Variants in RBFOX1 observed in about 807,000 individuals in gnomAD.
RBFOX1 encodes the protein RNA binding fox-1 homolog 1, also known as RNA binding protein fox-1 homolog 1.
A neutral mutation model predicts 57.7 loss-of-function variants in RBFOX1; 8 were observed. The observed-to-expected ratio is 0.14, with a 90% confidence interval of 0.08 to 0.25. The LOEUF is 0.25. Among genes scored for constraint, RBFOX1 ranks in the 10% least tolerant of loss-of-function variants. The pLI, the probability that RBFOX1 is intolerant of heterozygous loss-of-function variation, is 1.00. For missense variants in RBFOX1, 611 were observed against 548.5 expected, an observed-to-expected ratio of 1.11 and a Z score of -1.14; for synonymous variants, 326 against 222.4, an observed-to-expected ratio of 1.47 and a Z score of -4.15.
chr16:7,401,874 A>C (rs1399443314), intron 4 of RBFOX1, among the ~76,000 whole-genome samples: 1 of 152,196 alleles, frequency 6.6e-6, no homozygotes, highest in East Asian at 1.9e-4. Context: ...ATTGTCCTTT[A>C]AAAATGGCTC....
intron 3 of RBFOX1, among the ~76,000 whole-genome samples, chr16:5,746,918 G>C (rs1233719310): frequency 6.6e-6 from 1 of 152,096 alleles, no homozygotes; most frequent in Non-Finnish European, 1.5e-5. Flanking sequence ...TTTCCTAATT[G>C]AATACCCTTT....
At chr16:7,378,828 C>T (rs895199044) in intron 4 of RBFOX1, among the ~76,000 whole-genome samples, 1 of 152,162 alleles carries the variant, frequency 6.6e-6, no homozygotes, top group Non-Finnish European at 1.5e-5. Context: ...ATTCCTCTTG[C>T]AGGGCACAAA....
intron 11 of RBFOX1, among the ~76,000 whole-genome samples, chr16:7,636,924 G>C (rs2061858829): frequency 1.3e-5 from 2 of 152,152 alleles, no homozygotes; most frequent in South Asian, 2.1e-4. Flanking sequence ...CCCACCCTCA[G>C]GACCTCATCT....
intron 3 of RBFOX1, among the ~76,000 whole-genome samples, chr16:6,711,352 G>A (rs73539509): frequency 6.6e-6 from 1 of 152,106 alleles, no homozygotes; most frequent in African/African-American, 2.4e-5. Context: ...CCCACATTCT[G>A]GTCCCTACCA....
intron 3 of RBFOX1, among the ~76,000 whole-genome samples, chr16:5,730,440 C>T (rs1340350329): frequency 6.6e-6 from 1 of 152,228 alleles, no homozygotes. Flanking sequence ...TTGTGTGCCT[C>T]TGGCTGCGCA....
intron 3 of RBFOX1, among the ~76,000 whole-genome samples, chr16:5,664,834 T>A (rs758454981): frequency 2.6e-5 from 4 of 152,192 alleles, no homozygotes; most frequent in Non-Finnish European, 5.9e-5. Flanking sequence ...TTCTCATTGT[T>A]CTCAGAATGC....
At chr16:7,264,831 G>A (rs1405158760) in intron 4 of RBFOX1, among the ~76,000 whole-genome samples, 3 of 152,164 alleles carry the variant, frequency 2.0e-5, no homozygotes, top group Non-Finnish European at 2.9e-5. Context: ...TACCCAGAGG[G>A]TAAAAAGTTG....
At chr16:5,942,796 G>A (rs778556847) in intron 4 of RBFOX1, among the ~76,000 whole-genome samples, 4 of 152,166 alleles carry the variant, frequency 2.6e-5, no homozygotes, top group African/African-American at 4.8e-5. Context: ...TCTCACTGTT[G>A]TATTAAATAC....
chr16:6,081,831 C>T (rs2096006237), intron 1 of RBFOX1, among the ~76,000 whole-genome samples: 3 of 152,122 alleles, frequency 2.0e-5, no homozygotes, highest in South Asian at 2.1e-4. Context: ...CCTGCAGCTA[C>T]GCTTGGTTTC....
chr16:5,553,564 C>G (rs2045550943), intron 2 of RBFOX1, among the ~76,000 whole-genome samples: 3 of 151,810 alleles, frequency 2.0e-5, no homozygotes, highest in South Asian at 4.2e-4. Flanking sequence ...ATCTGCCCGT[C>G]TCAGCCTCCC....
chr16:7,386,202 C>A (rs1219390706), intron 4 of RBFOX1, among the ~76,000 whole-genome samples: 1 of 152,102 alleles, frequency 6.6e-6, no homozygotes, highest in Non-Finnish European at 1.5e-5. Flanking sequence ...CTGCATCCCC[C>A]AAGTTCTTTC....
chr16:7,127,189 T>G (rs1413902119), intron 4 of RBFOX1, among the ~76,000 whole-genome samples: 1 of 152,110 alleles, frequency 6.6e-6, no homozygotes, highest in Non-Finnish European at 1.5e-5. Context: ...CTCTGTGAAC[T>G]AGCCACAAAT....
chr16:5,413,145 T>C (rs2067068097), intron 1 of RBFOX1, among the ~76,000 whole-genome samples: 3 of 151,956 alleles, frequency 2.0e-5, no homozygotes, highest in Admixed American at 2.0e-4. Flanking sequence ...GCCTCAGGAG[T>C]CCTGAGTGCA....
intron 3 of RBFOX1, among the ~76,000 whole-genome samples, chr16:5,750,271 C>A (rs2053144672): frequency 6.6e-6 from 1 of 152,196 alleles, no homozygotes; most frequent in Non-Finnish European, 1.5e-5. Flanking sequence ...TGTCAGTCTG[C>A]CCCTACTGTG....
At chr16:7,653,185 C>T (rs2065464057) in intron 11 of RBFOX1, among the ~76,000 whole-genome samples, 1 of 152,162 alleles carries the variant, frequency 6.6e-6, no homozygotes, top group Non-Finnish European at 1.5e-5. Context: ...CATGACACAT[C>T]TTGCAATCTG....
intron 5 of RBFOX1, among the ~76,000 whole-genome samples, chr16:7,527,201 G>A (rs1301979580): frequency 6.6e-6 from 1 of 152,066 alleles, no homozygotes; most frequent in Non-Finnish European, 1.5e-5. Context: ...TGAAGACATG[G>A]GTACTGTCTC....
At chr16:6,543,840 C>G (rs756671274) in intron 2 of RBFOX1, among the ~76,000 whole-genome samples, 1 of 152,026 alleles carries the variant, frequency 6.6e-6, no homozygotes, top group East Asian at 1.9e-4. Flanking sequence ...TTTCCAGATA[C>G]ACCTGCATGA....
intron 3 of RBFOX1, among the ~76,000 whole-genome samples, chr16:5,832,603 C>T (rs540573793): frequency 1.3e-5 from 2 of 152,214 alleles, no homozygotes; most frequent in African/African-American, 2.4e-5. Flanking sequence ...ACTGCAATTA[C>T]ACCTATTTGA....
intron 3 of RBFOX1, among the ~76,000 whole-genome samples, chr16:5,617,001 C>A (rs2048047648): frequency 6.6e-6 from 1 of 151,742 alleles, no homozygotes; most frequent in Non-Finnish European, 1.5e-5. Context: ...GGCCGGAGGG[C>A]AGTTCCTGAG....
Sources: gnomAD v4.1 joint callset for allele counts (sites outside exome capture counted in the v4.1 genomes callset) on GRCh38, gnomAD v4.1.1 for gene constraint, MANE v1.5 for transcripts, NCBI Gene and HGNC (gene_info 2026-07-23, HGNC 2026-07-21) for gene names.